Variants in SLC35D2 observed in about 807,000 individuals in gnomAD.
SLC35D2 encodes nucleotide sugar transporter SLC35D2.
In SLC35D2, 43 loss-of-function variants were observed where a neutral mutation model predicts 41.8. That is an observed-to-expected ratio of 1.03 (90% confidence interval 0.81 to 1.33). SLC35D2 has a LOEUF of 1.33. Among genes scored for constraint, SLC35D2 ranks in the 40% most tolerant of loss-of-function variants. The pLI is 0.00. For missense variants in SLC35D2, 380 were observed against 408.4 expected, an observed-to-expected ratio of 0.93 and a Z score of 0.60; for synonymous variants, 150 against 163.9, an observed-to-expected ratio of 0.92 and a Z score of 0.65.
chr9:96,368,257 T>G lies in SLC35D2; in HGVS notation c.192+15A>C. ...ATAACAAAATAAGAGGTTAATTCTA[T>G]TTTTTTTCACTCACCTGTCCAATTC... On this transcript the variant is annotated intron_variant, in intron 2 of 11. Coordinates refer to ENST00000253270, the MANE Select transcript of SLC35D2 (RefSeq NM_007001.3). The G allele has an allele frequency of 6.5e-7, 1 of 1,537,004 alleles. No individual in the cohort carries two copies.
Position 96,340,619 on chromosome 9 carries a change from CAAAAAA to C in SLC35D2, c.684+3279_684+3284del, listed in dbSNP as rs57501812. On this transcript the variant is annotated intron_variant, in intron 8 of 11. Transcript: ENST00000253270. ...TGGGCAACAGAGGGAGACTCCATCT[CAAAAAA>C]AAAAAAAAAAAAAAAAAAAAAAAAA... Among the ~76,000 whole-genome samples the C allele has an allele frequency of 7.1e-3, 253 of 35,388 alleles. 1 individual carries two copies. Among genetic ancestry groups the C allele is most frequent in the Middle Eastern group, 0.033 (1 of 30 alleles). The allele number at this position is 35,388 out of a possible 152,430, so 23.2% of individuals were successfully genotyped here.
At chr9:96,372,024 C>T (rs1380580660) in intron 1 of SLC35D2, among the ~76,000 whole-genome samples, 1 of 152,170 alleles carries the variant, frequency 6.6e-6, no homozygotes, top group African/African-American at 2.4e-5. Context: ...CCGCGCCCAG[C>T]CTGGTTAAAA....
chr9:96,352,883 C>CT (rs1434926013), intron 4 of SLC35D2, among the ~76,000 whole-genome samples: 1 of 151,864 alleles, frequency 6.6e-6, no homozygotes, highest in Non-Finnish European at 1.5e-5. Context: ...ACTAAAAATA[C>CT]AAAAATTAGC....
chr9:96,335,590 A>C (rs4743729), intron 9 of SLC35D2, among the ~76,000 whole-genome samples: 118,827 of 151,936 alleles, frequency 0.78, 47,545 homozygotes, highest in East Asian at 0.94. Flanking sequence ...AAACTCCTGA[A>C]CTCAGGTGAT....
chr9:96,368,433 T>G, intron 1 of SLC35D2, 128 bp from the exon 2 acceptor site: 1 of 794,006 alleles, frequency 1.3e-6, no homozygotes, highest in East Asian at 2.9e-5. Context: ...TCACTTTTCA[T>G]TTAATTCTTT....
At chr9:96,359,953 T>TA (rs747485969) in intron 4 of SLC35D2, among the ~76,000 whole-genome samples, 4 of 152,198 alleles carry the variant, frequency 2.6e-5, no homozygotes, top group Non-Finnish European at 4.4e-5. Flanking sequence ...GAATATAATT[T>TA]AAAAAAATAA....
At chr9:96,322,717 GTTTTTTTTTT>G (rs57493593) in intron 10 of SLC35D2, among the ~76,000 whole-genome samples, 1 of 111,406 alleles carries the variant, frequency 9.0e-6, no homozygotes, top group South Asian at 2.8e-4. Context: ...GTTTTCTGGG[GTTTTTTTTTT>G]TTTTTTTTTG....
intron 9 of SLC35D2, among the ~76,000 whole-genome samples, chr9:96,333,654 T>C (rs896995176): frequency 6.0e-5 from 9 of 150,216 alleles, no homozygotes; most frequent in South Asian, 2.1e-4. Flanking sequence ...AAGCCTGTCA[T>C]GGGCAAGCCC....
chr9:96,349,741 G>T (rs1045883292), intron 6 of SLC35D2, among the ~76,000 whole-genome samples: 1 of 152,118 alleles, frequency 6.6e-6, no homozygotes, highest in East Asian at 1.9e-4. Context: ...GGCCAGGCTG[G>T]TCTCTAACTC....
chr9:96,335,782 G>A (rs893524838), intron 9 of SLC35D2, among the ~76,000 whole-genome samples: 13 of 152,170 alleles, frequency 8.5e-5, no homozygotes, highest in East Asian at 1.9e-4. Context: ...GGCCAGGCGC[G>A]GTGGCTCACG....
intron 4 of SLC35D2, among the ~76,000 whole-genome samples, chr9:96,358,735 TCCAAGTACTTTGGGAGG>T (rs1221621678): frequency 1.3e-5 from 2 of 152,174 alleles, no homozygotes; most frequent in African/African-American, 4.8e-5. Flanking sequence ...ATGCCTGTAA[TCCAAGTACTTTGGGAGG>T]CCAAGACAGG....
intron 7 of SLC35D2, 121 bp from the exon 8 acceptor site, chr9:96,344,117 T>C (rs961445149): frequency 3.5e-6 from 2 of 574,980 alleles, no homozygotes; most frequent in Admixed American, 3.6e-5. Context: ...AGCAACTCTT[T>C]TGGAATATTT....
chr9:96,358,105 T>TATATATATATATATATATAC (rs546410635), intron 4 of SLC35D2, among the ~76,000 whole-genome samples: 3 of 143,524 alleles, frequency 2.1e-5, no homozygotes, highest in Admixed American at 7.0e-5. Context: ...TATATATATA[T>TATATATATATATATATATAC]ATACCTGCAA....
At chr9:96,334,502 G>A (rs536458126) in intron 9 of SLC35D2, among the ~76,000 whole-genome samples, 19 of 152,228 alleles carry the variant, frequency 1.2e-4, no homozygotes, top group Admixed American at 8.5e-4. Context: ...GCCAGGTGTG[G>A]TGGTGGGCAA....
chr9:96,382,272 C>T (rs1346517393), intron 1 of SLC35D2, among the ~76,000 whole-genome samples: 1 of 151,672 alleles, frequency 6.6e-6, no homozygotes, highest in Non-Finnish European at 1.5e-5. Flanking sequence ...CTTGGAAACA[C>T]ACTGAGACCC....
intron 1 of SLC35D2, among the ~76,000 whole-genome samples, chr9:96,378,268 T>TAAA (rs560408413): frequency 8.3e-6 from 1 of 121,200 alleles, no homozygotes; most frequent in Admixed American, 8.6e-5. Context: ...ACTCCATCTC[T>TAAA]AAAAAAAAAA....
chr9:96,343,863 A>G, intron 8 of SLC35D2, 41 bp downstream of exon 8: 5 of 1,334,110 alleles, frequency 3.7e-6, no homozygotes, highest in Non-Finnish European at 5.1e-6. Flanking sequence ...AAATTTTTTA[A>G]AGCCAGCTAA....
chr9:96,366,148 C>A (rs529402329), intron 2 of SLC35D2, among the ~76,000 whole-genome samples: 9 of 151,752 alleles, frequency 5.9e-5, no homozygotes, highest in Admixed American at 4.6e-4. Context: ...ACAAAAAATA[C>A]AAAAATTAGT....
At chr9:96,337,679 G>T (rs1008427573) in intron 8 of SLC35D2, among the ~76,000 whole-genome samples, 7 of 151,922 alleles carry the variant, frequency 4.6e-5, no homozygotes, top group African/African-American at 1.7e-4. Flanking sequence ...GGTAGACAAA[G>T]AAGTTTAAGA....
Sources: gnomAD v4.1 joint callset for allele counts (sites outside exome capture counted in the v4.1 genomes callset) on GRCh38, gnomAD v4.1.1 for gene constraint, MANE v1.5 for transcripts, NCBI Gene and HGNC (gene_info 2026-07-23, HGNC 2026-07-21) for gene names.